The following GRIK2 variants were observed in gnomAD, a reference collection of about 807,000 sequenced individuals.
GRIK2 encodes the protein glutamate receptor ionotropic, kainate 2.
GRIK2 carries 32 observed loss-of-function variants against 100.3 expected under a neutral mutation model. The ratio of observed to expected loss-of-function variants is 0.32; its 90% CI spans 0.24 to 0.43. GRIK2 has a LOEUF of 0.43. GRIK2 is among the 20% of genes least tolerant of loss of function. GRIK2 has a pLI of 1.00. For missense variants in GRIK2, 843 were observed against 1,114.9 expected (o/e 0.76, Z 3.47); for synonymous variants, 417 against 389.4 (o/e 1.07, Z -0.83).
At chr6:101,964,558 A>G (rs1044765778) in intron 14 of GRIK2, among the ~76,000 whole-genome samples, 6 of 152,148 alleles carry the variant, frequency 3.9e-5, no homozygotes, top group African/African-American at 1.4e-4. Context: ...ACCCGTGACC[A>G]GGGGGTCTCG....
At chr6:101,450,577 C>A (rs1305591415) in intron 2 of GRIK2, among the ~76,000 whole-genome samples, 1 of 151,630 alleles carries the variant, frequency 6.6e-6, no homozygotes, top group East Asian at 1.9e-4. Flanking sequence ...CACCAGAGAA[C>A]ATGTATTTTG....
intron 7 of GRIK2, among the ~76,000 whole-genome samples, chr6:101,759,775 C>G (rs1279512132): frequency 1.3e-5 from 2 of 150,946 alleles, no homozygotes; most frequent in African/African-American, 2.5e-5. Flanking sequence ...CAATAATTGA[C>G]TGTTTTAAAA....
chr6:101,708,027 A>G (rs900785700), intron 7 of GRIK2, among the ~76,000 whole-genome samples: 2 of 151,740 alleles, frequency 1.3e-5, no homozygotes, highest in Non-Finnish European at 2.9e-5. Context: ...AAAATAATAT[A>G]TGGTTCCCAA....
At chr6:101,810,300 T>C (rs2128418158) in intron 9 of GRIK2, among the ~76,000 whole-genome samples, 1 of 152,134 alleles carries the variant, frequency 6.6e-6, no homozygotes. Flanking sequence ...TAATTGTGCT[T>C]AGCATTAAAT....
intron 2 of GRIK2, among the ~76,000 whole-genome samples, chr6:101,527,795 G>A (rs2251078): frequency 0.1 from 15,782 of 152,166 alleles, 988 homozygotes; most frequent in Middle Eastern, 0.13. Flanking sequence ...TAGGAAAATA[G>A]GTGTTCTTTT....
At chr6:101,444,257 T>C (rs1376569018) in intron 2 of GRIK2, among the ~76,000 whole-genome samples, 1 of 152,100 alleles carries the variant, frequency 6.6e-6, no homozygotes, top group Non-Finnish European at 1.5e-5. Flanking sequence ...ATTTTCTTTT[T>C]TTCTCAAGGT....
intron 12 of GRIK2, among the ~76,000 whole-genome samples, 160 bp from the exon 13 acceptor site, chr6:101,924,441 G>A (rs968371535): frequency 6.6e-6 from 1 of 152,072 alleles, no homozygotes; most frequent in Non-Finnish European, 1.5e-5. Flanking sequence ...CTTTAAAATC[G>A]AACACTTGCA....
chr6:101,513,706 C>T (rs572692643), intron 2 of GRIK2, among the ~76,000 whole-genome samples: 3 of 152,012 alleles, frequency 2.0e-5, no homozygotes, highest in African/African-American at 4.8e-5. Flanking sequence ...TCCCCAGACA[C>T]CTTAGATAGG....
At chr6:101,411,874 G>T (rs1775899329) in intron 2 of GRIK2, among the ~76,000 whole-genome samples, 1 of 152,062 alleles carries the variant, frequency 6.6e-6, no homozygotes, top group Non-Finnish European at 1.5e-5. Flanking sequence ...ATGTATGGTT[G>T]TGAGACTTTC....
chr6:101,558,494 C>T (rs1051621523), intron 2 of GRIK2, among the ~76,000 whole-genome samples: 6 of 151,952 alleles, frequency 3.9e-5, no homozygotes, highest in Non-Finnish European at 8.8e-5. Context: ...TTCCCTTGTA[C>T]TATACAAGGG....
chr6:101,482,362 T>C (rs1772576357), intron 2 of GRIK2, among the ~76,000 whole-genome samples: 1 of 152,168 alleles, frequency 6.6e-6, no homozygotes, highest in Admixed American at 6.5e-5. Context: ...GTGATACATC[T>C]TTGATAGTAG....
chr6:102,055,678 G>A, intron 16 of GRIK2, 98 bp downstream of exon 16: 1 of 760,850 alleles, frequency 1.3e-6, no homozygotes, highest in South Asian at 1.7e-5. Flanking sequence ...TAATGATAAT[G>A]CATAGAACTA....
intron 12 of GRIK2, among the ~76,000 whole-genome samples, chr6:101,899,937 C>G (rs1787729213): frequency 6.6e-6 from 1 of 151,880 alleles, no homozygotes; most frequent in South Asian, 2.1e-4. Flanking sequence ...ATTCACTAGA[C>G]TGAAGATATG....
intron 14 of GRIK2, among the ~76,000 whole-genome samples, chr6:101,940,628 T>C (rs1029327538): frequency 6.6e-6 from 1 of 152,142 alleles, no homozygotes; most frequent in South Asian, 2.1e-4. Context: ...GATTTACTTT[T>C]ACTAGCCATT....
At chr6:101,724,095 AG>A (rs1485730298) in intron 7 of GRIK2, among the ~76,000 whole-genome samples, 6 of 117,162 alleles carry the variant, frequency 5.1e-5, no homozygotes, top group Admixed American at 8.4e-5. Flanking sequence ...ATAGGGTAGT[AG>A]TTAATAATAC....
At chr6:101,485,980 G>A (rs532893948) in intron 2 of GRIK2, among the ~76,000 whole-genome samples, 1 of 151,130 alleles carries the variant, frequency 6.6e-6, no homozygotes, top group South Asian at 2.1e-4. Flanking sequence ...TGTCTATAAA[G>A]CATTATATTA....
At chr6:101,973,347 C>A in intron 14 of GRIK2, among the ~76,000 whole-genome samples, 1 of 151,822 alleles carries the variant, frequency 6.6e-6, no homozygotes, top group East Asian at 1.9e-4. Flanking sequence ...AATGACACCA[C>A]TTTTACATAC....
At chr6:102,042,151 T>A (rs996550389) in intron 15 of GRIK2, among the ~76,000 whole-genome samples, 2 of 151,720 alleles carry the variant, frequency 1.3e-5, no homozygotes, top group Non-Finnish European at 3.0e-5. Flanking sequence ...TGTCTTGAAC[T>A]TTTAGTAACA....
intron 12 of GRIK2, 36 bp from the exon 13 acceptor site, chr6:101,924,565 A>G (rs1259728968): frequency 1.8e-6 from 2 of 1,082,918 alleles, no homozygotes; most frequent in South Asian, 1.3e-5. Flanking sequence ...TCCCACTGCA[A>G]TTTAAATGTA....
Sources: allele counts gnomAD v4.1 joint callset (sites outside exome capture counted in the v4.1 genomes callset), GRCh38; gene constraint gnomAD v4.1.1; transcripts MANE v1.5; gene names NCBI Gene and HGNC (gene_info 2026-07-23, HGNC 2026-07-21).